The following MAPKAPK2 variants were observed in gnomAD, a reference collection of about 807,000 sequenced individuals.
MAPKAPK2 encodes the protein MAP kinase-activated protein kinase 2.
MAPKAPK2 carries 9 observed loss-of-function variants against 48.8 expected under a neutral mutation model. The ratio of observed to expected loss-of-function variants is 0.18; its 90% CI spans 0.11 to 0.32. The LOEUF is 0.32. Among genes scored for constraint, MAPKAPK2 ranks in the 10% least tolerant of loss-of-function variants. MAPKAPK2 has a pLI of 1.00. For missense variants in MAPKAPK2, 331 were observed against 498.3 expected, an observed-to-expected ratio of 0.66 and a Z score of 3.20; for synonymous variants, 202 against 190.6, an observed-to-expected ratio of 1.06 and a Z score of -0.49.
chr1:206,687,290 T>C (rs782715456), intron 1 of MAPKAPK2, among the ~76,000 whole-genome samples: 64 of 152,322 alleles, frequency 4.2e-4, no homozygotes, highest in Non-Finnish European at 1.8e-4. Flanking sequence ...TGCTTTTGAG[T>C]GGCAATTCAG....
intron 1 of MAPKAPK2, among the ~76,000 whole-genome samples, chr1:206,698,484 AG>A (rs1236850743): frequency 1.3e-5 from 2 of 152,218 alleles, no homozygotes; most frequent in African/African-American, 4.8e-5. Context: ...AGCTCCCCTA[AG>A]GATAGCTCAA....
At chr1:206,712,962 T>TCA (rs58379967) in intron 1 of MAPKAPK2, among the ~76,000 whole-genome samples, 17,240 of 112,128 alleles carry the variant, frequency 0.15, 1,615 homozygotes, top group Non-Finnish European at 0.21. Flanking sequence ...TGAGACTCCA[T>TCA]CACACACACA....
At chr1:206,730,786 T>TGGGGGGGGGGGGGGG in intron 6 of MAPKAPK2, 23 bp downstream of exon 6, 3 of 552,130 alleles carry the variant, frequency 5.4e-6, no homozygotes, top group Non-Finnish European at 1.0e-5. Flanking sequence ...GGGAGGGGGC[T>TGGGGGGGGGGGGGGG]GGGTGGGGCA....
intron 5 of MAPKAPK2, among the ~76,000 whole-genome samples, chr1:206,730,359 G>C (rs1390200607): frequency 6.6e-6 from 1 of 152,212 alleles, no homozygotes; most frequent in East Asian, 1.9e-4. Flanking sequence ...CTGGACCCAG[G>C]TCTTGTTCTG....
At chr1:206,730,255 G>A (rs556207823) in intron 5 of MAPKAPK2, among the ~76,000 whole-genome samples, 157 bp downstream of exon 5, 1 of 152,326 alleles carries the variant, frequency 6.6e-6, no homozygotes, top group East Asian at 1.9e-4. Flanking sequence ...AGTAGGGCTT[G>A]TCAGAGCGAA....
rs1307458354 is a variant in MAPKAPK2, at chr1:206,729,044, T to C, written c.429T>C (p.Gly143=). Residue 143 remains glycine, a synonymous_variant, in exon 3 of 10, where the codon GGT becomes GGC. Coordinates refer to ENST00000367103, the MANE Select transcript of MAPKAPK2 (RefSeq NM_032960.4). ...TGTGGCTTCATTTCAGTTTGGACGG[T>C]GGAGAACTCTTTAGCCGAATCCAGG... ...CLLIVMECLD[G]GELFSRIQDR... is the part of the protein sequence containing the mutation. 6.2e-7 allele frequency: 1 copy of C among 1,613,938 alleles called. No individual in the cohort carries two copies. The highest frequency in any genetic ancestry group is 2.2e-5 in the East Asian group (1 of 44,880).
At chr1:206,716,182 A>G (rs1673324665) in intron 1 of MAPKAPK2, among the ~76,000 whole-genome samples, 1 of 150,978 alleles carries the variant, frequency 6.6e-6, no homozygotes, top group African/African-American at 2.4e-5. Context: ...CCTTCCTTGT[A>G]TCTTCAGCTG....
Position 206,732,409 on chromosome 1 carries a change from C to A in MAPKAPK2, c.1060-166C>A. ...CTGCCCAGCGCTGGGGTGAGGCTGC[C>A]GTTGTCAGCGTGGACCACTAACCAG... On this transcript the variant is annotated intron_variant, in intron 9 of 9. Transcript: ENST00000367103. The surrounding 1 kb of genome is among the most constrained non-coding windows in gnomAD (Gnocchi z 4.4). The A allele has an allele frequency of 6.9e-7, 1 of 1,457,556 alleles. No homozygotes were observed. The highest frequency in any genetic ancestry group is 1.5e-5 in the South Asian group (1 of 68,120). 90.3% of individuals were successfully genotyped at this position (1,457,556 alleles called of 1,614,324 possible).
chr1:206,696,134 C>A, intron 1 of MAPKAPK2: 1 of 1,551,574 alleles, frequency 6.4e-7, no homozygotes, highest in Admixed American at 1.7e-5. Context: ...CCAGAAAGAT[C>A]AGTGACATGG....
chr1:206,716,749 G>A (rs781969154), intron 1 of MAPKAPK2, among the ~76,000 whole-genome samples: 6 of 151,966 alleles, frequency 3.9e-5, no homozygotes, highest in East Asian at 1.9e-4. Context: ...ACCTCCTTCC[G>A]TCTTACTTTC....
At chr1:206,699,951 C>T (rs933318153) in intron 1 of MAPKAPK2, among the ~76,000 whole-genome samples, 2 of 141,070 alleles carry the variant, frequency 1.4e-5, no homozygotes, top group Admixed American at 7.0e-5. Context: ...CCTTTCTTTT[C>T]GTTTCTTTCT....
Position 206,732,243 on chromosome 1 carries a change from T to C in MAPKAPK2, c.1059+324T>C. ...GGCCCAGAGGCGGAGGGCAGTCTGC[T>C]CAAGGTCACGCAGCTGGTGACTGGT... On this transcript the variant is annotated intron_variant, in intron 9 of 9. Coordinates refer to ENST00000367103, the MANE Select transcript of MAPKAPK2 (RefSeq NM_032960.4). The surrounding 1 kb of genome is among the most constrained non-coding windows in gnomAD (Gnocchi z 4.4). 9 of 1,494,140 alleles carry C rather than the reference T, an allele frequency of 6.0e-6. No individual in the cohort carries two copies. The highest frequency in any genetic ancestry group is 8.1e-6 in the Non-Finnish European group (9 of 1,117,880). 92.6% of individuals were successfully genotyped at this position (1,494,140 alleles called of 1,614,324 possible).
At chr1:206,689,891 T>A (rs545870559) in intron 1 of MAPKAPK2, among the ~76,000 whole-genome samples, 1 of 152,298 alleles carries the variant, frequency 6.6e-6, no homozygotes, top group East Asian at 1.9e-4. Flanking sequence ...ACTTTGTTGG[T>A]CTGGGAGCTA....
intron 1 of MAPKAPK2, among the ~76,000 whole-genome samples, chr1:206,714,062 G>A (rs1039029709): frequency 2.0e-5 from 3 of 152,144 alleles, no homozygotes; most frequent in Admixed American, 1.3e-4. Flanking sequence ...TGTCATTGCC[G>A]TTTACTGAGA....
At position 206,731,236 on chromosome 1, in the gene MAPKAPK2, C is replaced by T; in HGVS notation, c.866C>T (p.Pro289Leu). The change falls in exon 7 of 10, where the codon CCA (proline) becomes CTA (leucine). Residue 289 changes from proline (P) to leucine (L), a missense_variant. By Grantham distance (98) the Pro-to-Leu change is moderately conservative. Around this residue, in one of 4 missense-constraint regions of MAPKAPK2, gnomAD observed 124 missense variants for 194.6 expected, o/e 0.64. Coordinates refer to ENST00000367103, the MANE Select transcript of MAPKAPK2 (RefSeq NM_032960.4). This position sits in a 1 kb window ranked among gnomAD's most constrained non-coding sequence, Gnocchi z 5.9. ...IRMGQYEFPN[P>L]EWSEVSEEVK... Reference sequence around the variant, plus strand: ...ATGGGCCAGTATGAATTTCCCAACCCAGAATGGTCAGAAGTATCAGAGGAA... The same window carrying T: ...ATGGGCCAGTATGAATTTCCCAACCTAGAATGGTCAGAAGTATCAGAGGAA... 1.9e-6 allele frequency: 3 copies of T among 1,614,178 alleles called. No individual in the cohort carries two copies. The highest frequency in any genetic ancestry group is 2.5e-6 in the Non-Finnish European group (3 of 1,180,040).
chr1:206,702,595 C>T (rs781998618), intron 1 of MAPKAPK2, among the ~76,000 whole-genome samples: 3 of 152,220 alleles, frequency 2.0e-5, no homozygotes, highest in African/African-American at 4.8e-5. Context: ...TTGTTAACAC[C>T]GACCTGGTTT....
intron 1 of MAPKAPK2, among the ~76,000 whole-genome samples, chr1:206,688,184 C>A (rs1006709754): frequency 2.0e-5 from 3 of 152,192 alleles, no homozygotes; most frequent in Non-Finnish European, 4.4e-5. Context: ...GTCAGAGTTG[C>A]AAGGGACTTG....
intron 1 of MAPKAPK2, among the ~76,000 whole-genome samples, chr1:206,693,722 G>A (rs1434326429): frequency 3.3e-5 from 5 of 152,208 alleles, no homozygotes; most frequent in African/African-American, 1.2e-4. Context: ...CGACTGCCCT[G>A]TCACCGAGCA....
Position 206,730,676 on chromosome 1 carries a change from TTTGA to T in MAPKAPK2, c.692-9_692-6del. 6.2e-7 allele frequency: 1 copy of T among 1,613,596 alleles called. No individual in the cohort carries two copies. The highest frequency in any genetic ancestry group is 8.5e-7 in the Non-Finnish European group (1 of 1,179,588). ...GAGGGCCGGCCCACCCATGTTGACC[TTTGA>T]TTTGCAGCTCCAGAAGTGCTGGGTC... On this transcript the variant is annotated splice_polypyrimidine_tract_variant and splice_region_variant and intron_variant, in intron 5 of 9. Coordinates refer to ENST00000367103, the MANE Select transcript of MAPKAPK2 (RefSeq NM_032960.4).
Sources: allele counts gnomAD v4.1 joint callset (sites outside exome capture counted in the v4.1 genomes callset), GRCh38; gene constraint gnomAD v4.1.1; regional missense constraint gnomAD v4.1.1; non-coding constraint Gnocchi (gnomAD v3.1); transcripts MANE v1.5; gene names NCBI Gene and HGNC (gene_info 2026-07-23, HGNC 2026-07-21).